SCEL: variants seen among roughly 807,000 people sequenced by gnomAD.
The protein encoded by SCEL is sciellin.
Under a neutral mutation model 117.6 loss-of-function variants are expected in SCEL, and 113 were observed. The observed-to-expected ratio is 0.96, with a 90% CI of 0.83 to 1.12. SCEL has a LOEUF of 1.12. Among genes scored for constraint, SCEL ranks in the 50% most tolerant of loss-of-function variants. SCEL has a pLI of 0.00. For missense variants in SCEL, 785 were observed against 810.8 expected (o/e 0.97, Z 0.39); for synonymous variants, 270 against 256.2 (o/e 1.05, Z -0.51).
intron 9 of SCEL, among the ~76,000 whole-genome samples, chr13:77,575,213 A>G (rs1253766285): frequency 6.6e-6 from 1 of 152,088 alleles, no homozygotes; most frequent in Admixed American, 6.6e-5. Context: ...ATTAAAATCT[A>G]TTACAAGCCC....
intron 17 of SCEL, 43 bp downstream of exon 17, chr13:77,602,756 T>A: frequency 6.5e-7 from 1 of 1,535,720 alleles, no homozygotes; most frequent in Non-Finnish European, 9.0e-7. Flanking sequence ...TTATTTTCTC[T>A]CATATTAATT....
At chr13:77,599,436 C>G in intron 14 of SCEL, 48 bp downstream of exon 14, 1 of 1,476,072 alleles carries the variant, frequency 6.8e-7, no homozygotes, top group Non-Finnish European at 9.4e-7. Context: ...GCAGATTGCT[C>G]GTCTTATTCC....
intron 9 of SCEL, among the ~76,000 whole-genome samples, chr13:77,580,666 T>C (rs1419121504): frequency 2.6e-5 from 4 of 152,198 alleles, no homozygotes; most frequent in African/African-American, 9.6e-5. Flanking sequence ...ACAGACAGTA[T>C]GAATATTTAT....
Position 77,574,459 on chromosome 13 carries a change from T to C in SCEL, c.545+2270T>C, listed in dbSNP as rs538020571. On this transcript the variant is annotated intron_variant, in intron 9 of 32. Transcript: ENST00000349847. ...TTAGAGTCACAGATTATTAATATAA[T>C]GGCTAAACGAAAAGACTTCTCTTTG... Among the ~76,000 whole-genome samples, 4 of 152,346 alleles carry C rather than the reference T, an allele frequency of 2.6e-5. No homozygotes were observed. In the East Asian group the frequency reaches 5.8e-4, roughly 22 times the overall value.
At chr13:77,640,057 C>G (rs1372668302) in intron 30 of SCEL, among the ~76,000 whole-genome samples, 1 of 151,996 alleles carries the variant, frequency 6.6e-6, no homozygotes, top group Non-Finnish European at 1.5e-5. Flanking sequence ...TCTTCCCCAT[C>G]AAATTTGTGG....
chr13:77,551,403 T>C (rs2084313579), intron 1 of SCEL, among the ~76,000 whole-genome samples: 1 of 152,214 alleles, frequency 6.6e-6, no homozygotes, highest in Non-Finnish European at 1.5e-5. Context: ...TTCAAATTAC[T>C]TTTTTCATAA....
intron 1 of SCEL, among the ~76,000 whole-genome samples, chr13:77,554,133 G>A (rs1307256016): frequency 6.6e-6 from 1 of 152,202 alleles, no homozygotes; most frequent in African/African-American, 2.4e-5. Context: ...GGGGAGGCCA[G>A]CGAAGGAAGT....
At position 77,583,917 on chromosome 13, in the gene SCEL, A is replaced by G. The variant is rs556518621; in HGVS notation, c.546-5227A>G. 7.2e-5 allele frequency among the ~76,000 whole-genome samples: 11 copies of G among 152,354 alleles called. No homozygotes were observed. In the South Asian group the frequency reaches 2.3e-3, roughly 32 times the overall value. On this transcript the variant is annotated intron_variant, in intron 9 of 32. Transcript: ENST00000349847. ...AAGTAATATAGACAGCTTTCTTTAC[A>G]GTGTTATTTCTTTTAGCTTTGGCCT... is the stretch of plus-strand genomic sequence containing the variant.
chr13:77,556,811 C>G (rs2084685975), intron 3 of SCEL, 98 bp downstream of exon 3: 1 of 836,986 alleles, frequency 1.2e-6, no homozygotes, highest in Non-Finnish European at 2.0e-6. Flanking sequence ...ATACTTTTCT[C>G]CTGAAACACT....
rs1183999020 is a variant in SCEL at position 77,617,786 on chromosome 13, T to A, written c.1512-17T>A. ...CTTCAAAATTAACCTGCTCTCATTT[T>A]ATTTTTTGATTTAAAGAAACCAAGA... On this transcript the variant is annotated splice_polypyrimidine_tract_variant and intron_variant, in intron 25 of 32. Coordinates refer to ENST00000349847, the MANE Select transcript of SCEL (RefSeq NM_144777.3). 3 of 1,597,116 alleles carry A rather than the reference T, an allele frequency of 1.9e-6. No individual in the cohort carries two copies. In the Admixed American group the frequency reaches 5.1e-5, roughly 27 times the overall value.
chr13:77,620,664 T>C (rs958995974), intron 27 of SCEL, among the ~76,000 whole-genome samples: 4 of 152,194 alleles, frequency 2.6e-5, no homozygotes, highest in Admixed American at 2.6e-4. Context: ...AAGAGAGATA[T>C]TCAGTTATTG....
rs766094309 is a variant in SCEL, at chr13:77,637,237, CAG to C, written c.1838+45_1838+46del. 21 of 771,580 alleles carry C rather than the reference CAG, an allele frequency of 2.7e-5. No individual in the cohort carries two copies. In the South Asian group the frequency reaches 3.5e-4, roughly 13 times the overall value. 47.8% of individuals were successfully genotyped at this position (771,580 alleles called of 1,614,324 possible). A position where few individuals can be genotyped will look rare whatever the true frequency, so the allele number is the denominator to read the frequency against. On this transcript the variant is annotated intron_variant, in intron 30 of 32. Coordinates refer to ENST00000349847, the MANE Select transcript of SCEL (RefSeq NM_144777.3). ...TCCATACATAAAAAGTACACACATA[CAG>C]ACACACACACACATATATATATATA...
chr13:77,598,322 A>G (rs143951914), intron 13 of SCEL, among the ~76,000 whole-genome samples: 24 of 152,352 alleles, frequency 1.6e-4, no homozygotes, highest in African/African-American at 5.5e-4. Flanking sequence ...ACAGTGATCA[A>G]AGAGAAGGAG....
chr13:77,640,624 T>C (rs1044637012), intron 30 of SCEL, 52 bp from the exon 31 acceptor site: 55 of 850,144 alleles, frequency 6.5e-5, no homozygotes, highest in Non-Finnish European at 9.8e-5. Flanking sequence ...AGGGAATACA[T>C]CTGTCTTCTG....
intron 28 of SCEL, among the ~76,000 whole-genome samples, chr13:77,629,502 G>A (rs182248559): frequency 6.6e-6 from 1 of 152,094 alleles, no homozygotes; most frequent in Admixed American, 6.6e-5. Flanking sequence ...AAACTGAAAG[G>A]TGATTCATTT....
intron 8 of SCEL, among the ~76,000 whole-genome samples, chr13:77,571,697 A>C (rs2085637655): frequency 8.3e-6 from 1 of 120,148 alleles, no homozygotes; most frequent in Admixed American, 9.1e-5. Flanking sequence ...CTCAAAAATA[A>C]AAATAAAAAT....
At chr13:77,636,307 T>G (rs1015169967) in intron 29 of SCEL, among the ~76,000 whole-genome samples, 11 of 152,334 alleles carry the variant, frequency 7.2e-5, no homozygotes, top group African/African-American at 2.6e-4. Context: ...TGTGCAAATT[T>G]TTTTGTAGCA....
chr13:77,643,243 T>C (rs536625262), intron 32 of SCEL, among the ~76,000 whole-genome samples: 12 of 152,296 alleles, frequency 7.9e-5, no homozygotes, highest in African/African-American at 2.9e-4. Context: ...TAATTCTATG[T>C]AGTTTTACAA....
intron 1 of SCEL, among the ~76,000 whole-genome samples, chr13:77,545,046 G>A (rs2083915516): frequency 6.6e-6 from 1 of 152,196 alleles, no homozygotes; most frequent in African/African-American, 2.4e-5. Flanking sequence ...CATGCATTCA[G>A]TGCTTCATAG....
Sources: allele counts gnomAD v4.1 joint callset (sites outside exome capture counted in the v4.1 genomes callset), GRCh38; gene constraint gnomAD v4.1.1; transcripts MANE v1.5; gene names NCBI Gene and HGNC (gene_info 2026-07-23, HGNC 2026-07-21).